The following RIPOR2 variants were observed in gnomAD, a reference collection of about 807,000 sequenced individuals.
RIPOR2 encodes the protein rho family-interacting cell polarization regulator 2.
Under a neutral mutation model 114.5 loss-of-function variants are expected in RIPOR2, and 39 were observed. That is an observed-to-expected ratio of 0.34 (90% CI 0.26 to 0.44). The LOEUF (loss-of-function observed/expected upper bound fraction) is 0.44, where lower values mean the gene tolerates loss of function less well. RIPOR2 is among the 20% of genes least tolerant of loss of function. The pLI is 1.00. For missense variants in RIPOR2, 1,007 were observed against 1,255.1 expected, an observed-to-expected ratio of 0.80 and a Z score of 2.99; for synonymous variants, 445 against 484.4, an observed-to-expected ratio of 0.92 and a Z score of 1.07.
chr6:24,974,453 A>T (rs959999786), intron 1 of RIPOR2, among the ~76,000 whole-genome samples: 2 of 152,182 alleles, frequency 1.3e-5, no homozygotes, highest in Admixed American at 6.5e-5. Context: ...GGAAAATGGA[A>T]ATCAAAACCA....
intron 12 of RIPOR2, among the ~76,000 whole-genome samples, chr6:24,844,181 A>G (rs1331024549): frequency 1.3e-5 from 2 of 152,222 alleles, no homozygotes; most frequent in Admixed American, 1.3e-4. Context: ...TGGAACATCA[A>G]TCTTGCAGGA....
chr6:24,870,450 C>A (rs1426625049), intron 5 of RIPOR2, among the ~76,000 whole-genome samples: 2 of 152,176 alleles, frequency 1.3e-5, no homozygotes, highest in Admixed American at 6.5e-5. Context: ...ACTATTAGTT[C>A]TCTAGGATTT....
intron 10 of RIPOR2, 60 bp downstream of exon 10, chr6:24,850,537 C>T: frequency 6.2e-7 from 1 of 1,603,848 alleles, no homozygotes; most frequent in Non-Finnish European, 8.5e-7. Flanking sequence ...GTAAGGGCCC[C>T]ACCAATGGAT....
intron 1 of RIPOR2, among the ~76,000 whole-genome samples, chr6:24,922,858 CAAAA>C (rs869160864): frequency 2.8e-4 from 22 of 78,658 alleles, no homozygotes; most frequent in African/African-American, 8.0e-4. Flanking sequence ...AGGACAGTCT[CAAAA>C]AAAAAAAAAA....
At chr6:24,872,814 T>A (rs1042591397) in intron 4 of RIPOR2, 67 bp downstream of exon 4, 15 of 1,040,848 alleles carry the variant, frequency 1.4e-5, no homozygotes, top group Non-Finnish European at 2.2e-5. Flanking sequence ...CCCAGCCCCA[T>A]CCAGTAAAAG....
intron 1 of RIPOR2, among the ~76,000 whole-genome samples, chr6:24,918,945 A>C (rs115455878): frequency 2.1e-3 from 312 of 152,172 alleles, no homozygotes; most frequent in Middle Eastern, 0.01. Flanking sequence ...TTTCCTTCCT[A>C]AGTCACTCTT....
chr6:25,012,964 G>C (rs1227074168), intron 1 of RIPOR2, among the ~76,000 whole-genome samples: 1 of 151,246 alleles, frequency 6.6e-6, no homozygotes, highest in African/African-American at 2.4e-5. Context: ...TGGGGGGCCA[G>C]GATCACTAGT....
intron 1 of RIPOR2, among the ~76,000 whole-genome samples, chr6:25,016,073 T>C (rs957407177): frequency 1.3e-5 from 2 of 151,656 alleles, no homozygotes; most frequent in African/African-American, 4.8e-5. Flanking sequence ...CTAGCTAATT[T>C]TTTTGTATTT....
intron 1 of RIPOR2, among the ~76,000 whole-genome samples, chr6:24,927,112 G>C (rs1380710142): frequency 0.89 from 3,145 of 3,536 alleles, 1,554 homozygotes; most frequent in East Asian, 0.98. Flanking sequence ...CCACCACCAT[G>C]ATTATTATAA....
chr6:24,865,890 G>C (rs1281105735), intron 6 of RIPOR2, among the ~76,000 whole-genome samples: 1 of 152,098 alleles, frequency 6.6e-6, no homozygotes, highest in Non-Finnish European at 1.5e-5. Context: ...AGGAAGATGA[G>C]AGCCTTCTGT....
intron 12 of RIPOR2, chr6:24,847,766 G>T: frequency 7.1e-7 from 1 of 1,416,334 alleles, no homozygotes. Context: ...TTTTTAGCAA[G>T]CATTTTTGAT....
intron 1 of RIPOR2, among the ~76,000 whole-genome samples, chr6:24,953,594 A>C (rs533462352): frequency 2.0e-5 from 3 of 152,202 alleles, no homozygotes; most frequent in African/African-American, 7.2e-5. Flanking sequence ...AGAAAACAGC[A>C]GAAGCAAGAA....
At chr6:25,022,531 CATTT>C (rs1440448809) in intron 1 of RIPOR2, among the ~76,000 whole-genome samples, 8 of 64,510 alleles carry the variant, frequency 1.2e-4, no homozygotes, top group Non-Finnish European at 1.7e-4. Flanking sequence ...TGGTACCTTC[CATTT>C]TTTTTTTTTT....
At position 25,015,476 on chromosome 6, in the gene RIPOR2, G is replaced by A. The variant is rs140225144; in HGVS notation, c.76+26375C>T. The A allele has an allele frequency of 2.6e-5, 4 of 152,280 alleles. No homozygotes were observed. The East Asian group carries it at 7.7e-4, about 29-fold the overall frequency. The allele number at this position is 152,280 out of a possible 1,614,324, so 9.4% of individuals were successfully genotyped here. ...CATCATCTGTGCAGCCTGGTGAAAC[G>A]GTGTTTACGACAGTCTACACGGCAC... is the stretch of plus-strand genomic sequence containing the variant. On this transcript the variant is annotated intron_variant, in intron 1 of 13. Transcript: ENST00000510784.
chr6:24,820,178 G>A (rs1038137967), intron 19 of RIPOR2, among the ~76,000 whole-genome samples: 24 of 151,872 alleles, frequency 1.6e-4, no homozygotes, highest in Non-Finnish European at 2.5e-4. Flanking sequence ...GATTACAGGC[G>A]GATGCTATGA....
intron 1 of RIPOR2, among the ~76,000 whole-genome samples, chr6:24,980,535 C>T (rs557104306): frequency 1.3e-5 from 2 of 152,188 alleles, no homozygotes; most frequent in South Asian, 2.1e-4. Flanking sequence ...TCTCCTTGCT[C>T]TTGTCAGAGC....
chr6:24,806,779 A>G (rs1200986530), intron 21 of RIPOR2, among the ~76,000 whole-genome samples: 1 of 152,184 alleles, frequency 6.6e-6, no homozygotes, highest in African/African-American at 2.4e-5. Context: ...TTTTAGAGCA[A>G]TTGTATGGAT....
chr6:24,894,273 G>A (rs557854565), intron 1 of RIPOR2, among the ~76,000 whole-genome samples: 4 of 152,304 alleles, frequency 2.6e-5, no homozygotes, highest in African/African-American at 9.6e-5. Flanking sequence ...ACAGCAACCT[G>A]TGAGTTAGGT....
chr6:24,825,557 G>T, intron 18 of RIPOR2, 129 bp from the exon 19 acceptor site: 1 of 657,070 alleles, frequency 1.5e-6, no homozygotes, highest in Non-Finnish European at 2.6e-6. Flanking sequence ...TGAAAAATTA[G>T]CATCTGATAA....
Sources: gnomAD v4.1 joint callset for allele counts (sites outside exome capture counted in the v4.1 genomes callset) on GRCh38, gnomAD v4.1.1 for gene constraint, MANE v1.5 for transcripts, NCBI Gene and HGNC (gene_info 2026-07-23, HGNC 2026-07-21) for gene names.